ASB18: variants seen among roughly 807,000 people sequenced by gnomAD.
ASB18 encodes ankyrin repeat and SOCS box containing 18.
In ASB18, 33 loss-of-function variants were observed where a neutral mutation model predicts 33.4. The observed-to-expected ratio is 0.99, with a 90% CI of 0.75 to 1.32. The LOEUF is 1.32. Among genes scored for constraint, ASB18 ranks in the 40% most tolerant of loss-of-function variants. ASB18 has a pLI of 0.00. For missense variants in ASB18, 694 were observed against 655.5 expected, an observed-to-expected ratio of 1.06 and a Z score of -0.64; for synonymous variants, 295 against 307.6, an observed-to-expected ratio of 0.96 and a Z score of 0.43.
Position 236,256,269 on chromosome 2 carries a change from C to T in ASB18, c.205+7872G>A, listed in dbSNP as rs372069709. On this transcript the variant is annotated intron_variant, in intron 1 of 5. Coordinates refer to ENST00000409749, the MANE Select transcript of ASB18 (RefSeq NM_212556.4). This position sits in a 1 kb window ranked among gnomAD's most constrained non-coding sequence, Gnocchi z 4.7. ...CTCAAACTCCTGGGCTCAAGAGATT[C>T]GCCCACCTTAGCCTCCCAAAGTGCT... is the stretch of plus-strand genomic sequence containing the variant. 4.1e-4 allele frequency among the ~76,000 whole-genome samples: 62 copies of T among 152,194 alleles called. 1 individual carries two copies. Among genetic ancestry groups the T allele is most frequent in the African/African-American group, 1.4e-3 (59 of 41,532 alleles).
Position 236,253,129 on chromosome 2 carries a change from A to G in ASB18, c.205+11012T>C, listed in dbSNP as rs1234623169. Among the ~76,000 whole-genome samples, 1 of 152,148 alleles carries G rather than the reference A, an allele frequency of 6.6e-6. No homozygotes were observed. Among genetic ancestry groups the G allele is most frequent in the Non-Finnish European group, 1.5e-5 (1 of 68,026 alleles). On this transcript the variant is annotated intron_variant, in intron 1 of 5. Transcript: ENST00000409749. The surrounding 1 kb of genome is among the most constrained non-coding windows in gnomAD (Gnocchi z 5.4). ...AGTTTCCTGCCAAACTCCAGTCAGC[A>G]CCCAACGCTGACCCCTGAGCTCACG...
In ASB18 at chr2:236,196,344, C is replaced by A; in HGVS notation, c.1143G>T (p.Val381=). The A allele has an allele frequency of 6.4e-7, 1 of 1,568,708 alleles. No individual in the cohort carries two copies. Among genetic ancestry groups the A allele is most frequent in the Non-Finnish European group, 8.6e-7 (1 of 1,156,222 alleles). Residue 381 remains valine, a synonymous_variant, in exon 5 of 6, where the codon GTG becomes GTT. Coordinates refer to ENST00000409749, the MANE Select transcript of ASB18 (RefSeq NM_212556.4). This position sits in a 1 kb window ranked among gnomAD's most constrained non-coding sequence, Gnocchi z 5.6. ...AGAGCTGAGGGTAGGAGTTGAAAAG[C>A]ACCTCGATGACTGCGGGGACAGATG... ...TCASVPAVIE[V]LFNSYPQLCL...
At chr2:236,236,873 A>C (rs2060593120) in intron 3 of ASB18, among the ~76,000 whole-genome samples, 1 of 152,204 alleles carries the variant, frequency 6.6e-6, no homozygotes, top group African/African-American at 2.4e-5. Flanking sequence ...GACAACTCCA[A>C]GGGCAGGGGC....
At position 236,209,798 on chromosome 2, in the gene ASB18, G is replaced by A. The variant is rs1387538497; in HGVS notation, c.1101+4564C>T. ...GGCCCAGGCCCTTAAGGCCCTGCCT[G>A]GCTGCCTAGTCTCAACTGGTGCCCC... On this transcript the variant is annotated intron_variant, in intron 4 of 5. Transcript: ENST00000409749. This position sits in a 1 kb window ranked among gnomAD's most constrained non-coding sequence, Gnocchi z 4.4. Among the ~76,000 whole-genome samples, 2 of 152,200 alleles carry A rather than the reference G, an allele frequency of 1.3e-5. No homozygotes were observed. The highest frequency in any genetic ancestry group is 3.8e-4 in the East Asian group (2 of 5,196).
rs982962085 is a variant in ASB18 at position 236,263,863 on chromosome 2, A to T, written c.205+278T>A. 3.9e-5 allele frequency among the ~76,000 whole-genome samples: 6 copies of T among 152,220 alleles called. No homozygotes were observed. The highest frequency in any genetic ancestry group is 1.4e-4 in the African/African-American group (6 of 41,458). ...ATGGTTATCAGTGGGTGAAATTTAC[A>T]CACGCAAATGGACAGGCTTGGAAAA... On this transcript the variant is annotated intron_variant, in intron 1 of 5. Coordinates refer to ENST00000409749, the MANE Select transcript of ASB18 (RefSeq NM_212556.4). The surrounding 1 kb of genome is among the most constrained non-coding windows in gnomAD (Gnocchi z 4.0).
rs1017484869 is a variant in ASB18 at position 236,217,639 on chromosome 2, C to T, written c.597-2773G>A. 1.3e-5 allele frequency among the ~76,000 whole-genome samples: 2 copies of T among 152,316 alleles called. No individual in the cohort carries two copies. The highest frequency in any genetic ancestry group is 4.1e-4 in the South Asian group (2 of 4,826). ...ACCTAACTGGGGCTCTGAACAAGAT[C>T]ATCCATTGAGGGTTTCCCGGCTGCC... On this transcript the variant is annotated intron_variant, in intron 3 of 5. Transcript: ENST00000409749. The surrounding 1 kb of genome is among the most constrained non-coding windows in gnomAD (Gnocchi z 5.2).
At chr2:236,224,423 T>C (rs1021219716) in intron 3 of ASB18, among the ~76,000 whole-genome samples, 2 of 152,054 alleles carry the variant, frequency 1.3e-5, no homozygotes, top group African/African-American at 4.8e-5. Context: ...ACTTGCCAAG[T>C]GACCAGAAAG....
chr2:236,215,722 A>G lies in ASB18; in HGVS notation c.597-856T>C, dbSNP rs770242726. On this transcript the variant is annotated intron_variant, in intron 3 of 5. Transcript: ENST00000409749. This position sits in a 1 kb window ranked among gnomAD's most constrained non-coding sequence, Gnocchi z 7.2. ...AGTGTGCCCCAGCCTGGAAGCCGGA[A>G]GACAGTCATACAGACCCTCTGCCCT... Among the ~76,000 whole-genome samples, 3 of 152,122 alleles carry G rather than the reference A, an allele frequency of 2.0e-5. No homozygotes were observed. Among genetic ancestry groups the G allele is most frequent in the Non-Finnish European group, 4.4e-5 (3 of 68,030 alleles).
Position 236,217,821 on chromosome 2 carries a change from C to A in ASB18, c.597-2955G>T, listed in dbSNP as rs190822579. On this transcript the variant is annotated intron_variant, in intron 3 of 5. Coordinates refer to ENST00000409749, the MANE Select transcript of ASB18 (RefSeq NM_212556.4). The surrounding 1 kb of genome is among the most constrained non-coding windows in gnomAD (Gnocchi z 5.2). ...CAGTTTGATGTGGAGTCCTTTGGGA[C>A]CAGGACTGGCTAAGGGAGGATGCAA... Among the ~76,000 whole-genome samples, 35 of 152,248 alleles carry A rather than the reference C, an allele frequency of 2.3e-4. No homozygotes were observed. The highest frequency in any genetic ancestry group is 3.4e-3 in the Middle Eastern group (1 of 294).
intron 1 of ASB18, among the ~76,000 whole-genome samples, chr2:236,246,590 A>G (rs2060645749): frequency 6.6e-6 from 1 of 152,042 alleles, no homozygotes; most frequent in Non-Finnish European, 1.5e-5. Flanking sequence ...GAAATAGACC[A>G]TGTTTGTAAG....
In ASB18 at chr2:236,241,523, A is replaced by C. The variant is rs2015983; in HGVS notation, c.206-121T>G. The C allele has an allele frequency of 0.78, 910,783 of 1,163,224 alleles. 357,981 individuals are homozygous for C. The highest frequency in any genetic ancestry group is 0.83 in the East Asian group (33,122 of 39,730). 72.1% of individuals were successfully genotyped at this position (1,163,224 alleles called of 1,614,324 possible). On this transcript the variant is annotated intron_variant, in intron 1 of 5. Transcript: ENST00000409749. The surrounding 1 kb of genome is among the most constrained non-coding windows in gnomAD (Gnocchi z 4.2). ...ACTGGCCCTGGCTGTCTCTCCATTG[A>C]GATGCCGTCGATTTCAGAAGAGTTC... is the stretch of plus-strand genomic sequence containing the variant.
rs1244530444 is a variant in ASB18 at position 236,221,457 on chromosome 2, TG to T, written c.597-6592del. Among the ~76,000 whole-genome samples the T allele has an allele frequency of 2.6e-5, 4 of 152,074 alleles. No individual in the cohort carries two copies. The highest frequency in any genetic ancestry group is 7.2e-5 in the African/African-American group (3 of 41,414). ...GACCCGGTGGGAGATAATTGAATCA[TG>T]GGGGTGGTTTCCTTCATACTGTTCT... On this transcript the variant is annotated intron_variant, in intron 3 of 5. Coordinates refer to ENST00000409749, the MANE Select transcript of ASB18 (RefSeq NM_212556.4). This position sits in a 1 kb window ranked among gnomAD's most constrained non-coding sequence, Gnocchi z 5.6.
intron 4 of ASB18, among the ~76,000 whole-genome samples, chr2:236,207,854 AG>A (rs1457833381): frequency 6.8e-6 from 1 of 147,710 alleles, no homozygotes; most frequent in Non-Finnish European, 1.5e-5. Context: ...TCTGCCTGAC[AG>A]CCTGGAAACT....
rs1162388130 is a variant in ASB18, at chr2:236,257,022, TC to T, written c.205+7118del. On this transcript the variant is annotated intron_variant, in intron 1 of 5. Coordinates refer to ENST00000409749, the MANE Select transcript of ASB18 (RefSeq NM_212556.4). The surrounding 1 kb of genome is among the most constrained non-coding windows in gnomAD (Gnocchi z 5.5). ...TTGTTCCTAAATAATTCAACTATAT[TC>T]AAAGATAATCTGATGTTATTGTAGG... Among the ~76,000 whole-genome samples the T allele has an allele frequency of 6.6e-6, 1 of 152,210 alleles. No homozygotes were observed. The highest frequency in any genetic ancestry group is 1.5e-5 in the Non-Finnish European group (1 of 68,034).
rs1211517924 is a variant in ASB18 at position 236,228,862 on chromosome 2, C to A, written c.596+8827G>T. Among the ~76,000 whole-genome samples, 2 of 152,174 alleles carry A rather than the reference C, an allele frequency of 1.3e-5. No individual in the cohort carries two copies. Among genetic ancestry groups the A allele is most frequent in the African/African-American group, 2.4e-5 (1 of 41,440 alleles). ...ATCAAACTATTTCCAAGTAACTTTA[C>A]ATTCCAGAGCAGAGATCAAGAATAT... On this transcript the variant is annotated intron_variant, in intron 3 of 5. Coordinates refer to ENST00000409749, the MANE Select transcript of ASB18 (RefSeq NM_212556.4). This position sits in a 1 kb window ranked among gnomAD's most constrained non-coding sequence, Gnocchi z 5.1.
At position 236,252,667 on chromosome 2, in the gene ASB18, A is replaced by G. The variant is rs572719389; in HGVS notation, c.206-11265T>C. Among the ~76,000 whole-genome samples the G allele has an allele frequency of 6.6e-6, 1 of 152,146 alleles. No homozygotes were observed. Among genetic ancestry groups the G allele is most frequent in the Non-Finnish European group, 1.5e-5 (1 of 68,016 alleles). ...GCATGGGACACAGGTGCAGTCAGGA[A>G]GGCAGCCAGCCCTTTGATGATGTGG... On this transcript the variant is annotated intron_variant, in intron 1 of 5. Coordinates refer to ENST00000409749, the MANE Select transcript of ASB18 (RefSeq NM_212556.4). This position sits in a 1 kb window ranked among gnomAD's most constrained non-coding sequence, Gnocchi z 7.9.
At position 236,244,233 on chromosome 2, in the gene ASB18, G is replaced by A. The variant is rs904774811; in HGVS notation, c.206-2831C>T. Among the ~76,000 whole-genome samples the A allele has an allele frequency of 3.9e-5, 6 of 152,226 alleles. No individual in the cohort carries two copies. Among genetic ancestry groups the A allele is most frequent in the African/African-American group, 1.4e-4 (6 of 41,460 alleles). On this transcript the variant is annotated intron_variant, in intron 1 of 5. Transcript: ENST00000409749. The surrounding 1 kb of genome is among the most constrained non-coding windows in gnomAD (Gnocchi z 6.1). ...TCTTTGGCCTGTGCACATGAGTTAC[G>A]ATACAAACTATATGAGCAGAGGCTG...
In ASB18 at chr2:236,251,863, A is replaced by G. The variant is rs1297550601; in HGVS notation, c.206-10461T>C. ...GTTTTTGAAGAGTTCAGTGACACTA[A>G]TCCTCTCCCAGTTTGCAGGTGGGAG... On this transcript the variant is annotated intron_variant, in intron 1 of 5. Coordinates refer to ENST00000409749, the MANE Select transcript of ASB18 (RefSeq NM_212556.4). This position sits in a 1 kb window ranked among gnomAD's most constrained non-coding sequence, Gnocchi z 5.3. Among the ~76,000 whole-genome samples the G allele has an allele frequency of 3.3e-5, 5 of 152,198 alleles. No individual in the cohort carries two copies. The highest frequency in any genetic ancestry group is 2.6e-4 in the Admixed American group (4 of 15,280).
At chr2:236,243,284 C>T (rs796475445) in intron 1 of ASB18, among the ~76,000 whole-genome samples, 3 of 140,024 alleles carry the variant, frequency 2.1e-5, no homozygotes, top group South Asian at 2.3e-4. Flanking sequence ...GAGCCGAGAT[C>T]GTGCCACTGC....
Sources: allele counts gnomAD v4.1 joint callset (sites outside exome capture counted in the v4.1 genomes callset), GRCh38; gene constraint gnomAD v4.1.1; non-coding constraint Gnocchi (gnomAD v3.1); transcripts MANE v1.5; gene names NCBI Gene and HGNC (gene_info 2026-07-23, HGNC 2026-07-21).